BAZ1A: variants seen among roughly 807,000 people sequenced by gnomAD.
BAZ1A encodes bromodomain adjacent to zinc finger domain protein 1A.
In BAZ1A, 50 loss-of-function variants were observed where a neutral mutation model predicts 185.2. The ratio of observed to expected loss-of-function variants is 0.27; its 90% CI spans 0.22 to 0.34. The LOEUF is 0.34. Ranked by LOEUF, BAZ1A falls within the 10% of genes least tolerant of loss-of-function variation. The pLI, the probability that BAZ1A is intolerant of heterozygous loss-of-function variation, is 1.00. For synonymous variants in BAZ1A, 571 were observed against 615.6 expected, an observed-to-expected ratio of 0.93 and a Z score of 1.07; for missense variants, 1,356 against 1,839.9, an observed-to-expected ratio of 0.74 and a Z score of 4.81.
chr14:34,853,886 A>T (rs2042635077), intron 3 of BAZ1A, among the ~76,000 whole-genome samples: 1 of 152,192 alleles, frequency 6.6e-6, no homozygotes, highest in South Asian at 2.1e-4. Flanking sequence ...CTAATTCAAC[A>T]CAAGAATGGT....
In BAZ1A at chr14:34,765,107, G is replaced by A. The variant is rs921729277; in HGVS notation, c.3463C>T (p.Arg1155Ter). The change falls in exon 22 of 27, where the codon CGA becomes TGA. Residue 1155 changes from arginine (R) to a stop codon, truncating the protein, a stop_gained. Transcript: ENST00000360310. LOFTEE classifies it high-confidence loss of function. ...ATGTTTTCAGCATCGCCTTTCTTTCGACATATCTTGCAACGCGCATTCAGT... is the reference window on the plus strand; with the variant it reads ...ATGTTTTCAGCATCGCCTTTCTTTCAACATATCTTGCAACGCGCATTCAGT... ...SILNARCKIC[R>*]KKGDAENMVL... is the part of the protein sequence containing the mutation. 1 of 1,614,074 alleles carries A rather than the reference G, an allele frequency of 6.2e-7. No individual in the cohort carries two copies. Among genetic ancestry groups the A allele is most frequent in the Non-Finnish European group, 8.5e-7 (1 of 1,180,024 alleles).
chr14:34,783,256 T>C (rs763685048), intron 15 of BAZ1A, 24 bp from the exon 16 acceptor site: 63 of 1,410,466 alleles, frequency 4.5e-5, no homozygotes, highest in Non-Finnish European at 5.4e-5. Flanking sequence ...TGAAATATGG[T>C]AGTCTATCTG....
At chr14:34,868,408 A>T (rs1290608299) in intron 2 of BAZ1A, among the ~76,000 whole-genome samples, 1 of 152,198 alleles carries the variant, frequency 6.6e-6, no homozygotes, top group African/African-American at 2.4e-5. Context: ...CACTCTGGCG[A>T]ACAAACTGAG....
At chr14:34,861,178 G>A (rs917148172) in intron 3 of BAZ1A, among the ~76,000 whole-genome samples, 2 of 152,010 alleles carry the variant, frequency 1.3e-5, no homozygotes, top group Non-Finnish European at 2.9e-5. Flanking sequence ...AATGGGGGCA[G>A]GGCATCCAAA....
At chr14:34,775,350 C>T (rs1442966635) in intron 18 of BAZ1A, among the ~76,000 whole-genome samples, 1 of 152,196 alleles carries the variant, frequency 6.6e-6, no homozygotes, top group Admixed American at 6.5e-5. Flanking sequence ...TCTATTTTCT[C>T]TCCCACAGGA....
At chr14:34,872,068 C>G (rs2042957813) in intron 2 of BAZ1A, among the ~76,000 whole-genome samples, 1 of 152,118 alleles carries the variant, frequency 6.6e-6, no homozygotes, top group Non-Finnish European at 1.5e-5. Flanking sequence ...CCAATTTTGT[C>G]AAAATTATTT....
At chr14:34,780,337 T>C in intron 16 of BAZ1A, 27 bp from the exon 17 acceptor site, 1 of 1,587,758 alleles carries the variant, frequency 6.3e-7, no homozygotes, top group Non-Finnish European at 8.6e-7. Flanking sequence ...AAGATGACAT[T>C]TACTAATGAA....
chr14:34,787,350 T>TC (rs1160098403), intron 12 of BAZ1A, among the ~76,000 whole-genome samples: 1 of 25,004 alleles, frequency 4.0e-5, no homozygotes, highest in South Asian at 1.6e-3. Flanking sequence ...AGACTCTGTC[T>TC]CAAAAAAAAA....
chr14:34,844,984 C>T (rs530137669), intron 3 of BAZ1A, among the ~76,000 whole-genome samples: 6 of 152,030 alleles, frequency 3.9e-5, no homozygotes, highest in Non-Finnish European at 8.8e-5. Flanking sequence ...CATATTCATT[C>T]ATTTATCTAT....
At chr14:34,838,211 C>T (rs1386994216) in intron 3 of BAZ1A, among the ~76,000 whole-genome samples, 1 of 152,168 alleles carries the variant, frequency 6.6e-6, no homozygotes, top group Non-Finnish European at 1.5e-5. Flanking sequence ...GCATCCAAGG[C>T]AAATCCTGCT....
rs1438375702 is a variant in BAZ1A at position 34,819,957 on chromosome 14, G to A, written c.536+6056C>T. On this transcript the variant is annotated intron_variant, in intron 4 of 26. Coordinates refer to ENST00000360310, the MANE Select transcript of BAZ1A (RefSeq NM_013448.3). The stretch of plus-strand genomic sequence containing the variant: ...TGGTGTTGTCAGTGTTCTGGATTTT[G>A]GTCATTCTAATAAGTACATAGTCAT... 4.6e-5 allele frequency among the ~76,000 whole-genome samples: 7 copies of A among 151,122 alleles called. No individual in the cohort carries two copies. The East Asian group carries it at 1.4e-3, about 29-fold the overall frequency.
intron 7 of BAZ1A, among the ~76,000 whole-genome samples, chr14:34,801,534 G>C (rs1881560490): frequency 6.6e-6 from 1 of 152,130 alleles, no homozygotes; most frequent in African/African-American, 2.4e-5. Context: ...GACCTCAAGT[G>C]GGCTACTCAC....
chr14:34,874,833 A>ACCC lies in BAZ1A; in HGVS notation c.-58-172_-58-171insGGG. 1 of 434,942 alleles carries ACCC rather than the reference A, an allele frequency of 2.3e-6. No individual in the cohort carries two copies. The highest frequency in any genetic ancestry group is 4.1e-6 in the Non-Finnish European group (1 of 246,060). 26.9% of individuals were successfully genotyped at this position (434,942 alleles called of 1,614,324 possible). Reference sequence around the variant, plus strand: ...CGCTGCCCGGGTGTCGAGCGAGCGGAGCCGCCGCCGCCCCTGCCCCCCGAG... The same window carrying ACCC: ...CGCTGCCCGGGTGTCGAGCGAGCGGACCCGCCGCCGCCGCCCCTGCCCCCCGAG... On this transcript the variant is annotated intron_variant, in intron 1 of 26. Transcript: ENST00000360310. The surrounding 1 kb of genome is among the most constrained non-coding windows in gnomAD (Gnocchi z 4.7).
At chr14:34,770,442 C>T (rs1038993858) in intron 21 of BAZ1A, among the ~76,000 whole-genome samples, 9 of 152,198 alleles carry the variant, frequency 5.9e-5, no homozygotes, top group Non-Finnish European at 1.3e-4. Context: ...CGTGAGCCAC[C>T]ACCCCCAGCT....
chr14:34,831,154 C>T (rs2042236879), intron 3 of BAZ1A, among the ~76,000 whole-genome samples: 5 of 152,126 alleles, frequency 3.3e-5, no homozygotes, highest in Admixed American at 3.3e-4. Flanking sequence ...TTTTGATATA[C>T]TGTTTGATAT....
At chr14:34,759,202 A>G (rs1265639714) in intron 24 of BAZ1A, among the ~76,000 whole-genome samples, 4 of 51,242 alleles carry the variant, frequency 7.8e-5, no homozygotes, top group African/African-American at 9.6e-5. Context: ...TTTTTTTGAG[A>G]TGGAGTCTCG....
intron 4 of BAZ1A, among the ~76,000 whole-genome samples, chr14:34,819,622 T>A (rs1262447906): frequency 6.6e-6 from 1 of 152,244 alleles, no homozygotes; most frequent in Non-Finnish European, 1.5e-5. Flanking sequence ...TTCTTTTTAG[T>A]GCTGAATAAT....
chr14:34,790,597 G>A (rs764000486), intron 12 of BAZ1A, among the ~76,000 whole-genome samples: 1 of 151,710 alleles, frequency 6.6e-6, no homozygotes, highest in Non-Finnish European at 1.5e-5. Context: ...TAAGTGATCT[G>A]CCCACCTCAG....
At chr14:34,868,973 A>ATG (rs1276015891) in intron 2 of BAZ1A, among the ~76,000 whole-genome samples, 1 of 150,272 alleles carries the variant, frequency 6.7e-6, no homozygotes, top group African/African-American at 2.4e-5. Flanking sequence ...TATATTATAT[A>ATG]TGTATATATA....
Sources: gnomAD v4.1 joint callset for allele counts (sites outside exome capture counted in the v4.1 genomes callset) on GRCh38, gnomAD v4.1.1 for gene constraint, Gnocchi (gnomAD v3.1) non-coding constraint, MANE v1.5 for transcripts, NCBI Gene and HGNC (gene_info 2026-07-23, HGNC 2026-07-21) for gene names.